Variants in RGPD8 observed in about 807,000 individuals in gnomAD.
RGPD8 encodes the protein RANBP2 like and GRIP domain containing 8.
RGPD8 carries 15 observed loss-of-function variants against 89.1 expected under a neutral mutation model. The ratio of observed to expected loss-of-function variants is 0.17; its 90% CI spans 0.11 to 0.26. RGPD8 has a LOEUF of 0.26. Ranked by LOEUF, RGPD8 falls within the 10% of genes least tolerant of loss-of-function variation. The probability of loss-of-function intolerance (pLI) is 1.00; values close to 1 mark genes in which losing one functional copy is unlikely to be tolerated. For synonymous variants in RGPD8, 62 were observed against 420.9 expected, an observed-to-expected ratio of 0.15 and a Z score of 10.44; for missense variants, 178 against 1,179.6, an observed-to-expected ratio of 0.15 and a Z score of 12.44.
intron 1 of RGPD8, among the ~76,000 whole-genome samples, chr2:112,432,010 C>A (rs1680062981): frequency 6.6e-6 from 1 of 152,190 alleles, no homozygotes; most frequent in African/African-American, 2.4e-5. Context: ...CAAGCAATAA[C>A]CTAAATGTTT....
chr2:112,371,057 A>T lies in RGPD8; in HGVS notation c.5264-845T>A, dbSNP rs1321118385. On this transcript the variant is annotated intron_variant, in intron 22 of 22. Transcript: ENST00000302558. ...ATATTGTTGACGATAAGAGGATTTT[A>T]AAAAAAATTCTTTTAAAACAGAAGC... Among the ~76,000 whole-genome samples, 1,171 of 151,392 alleles carry T rather than the reference A, an allele frequency of 7.7e-3. 25 individuals are homozygous for T. Among genetic ancestry groups the T allele is most frequent in the African/African-American group, 0.024 (999 of 41,094 alleles).
chr2:112,431,963 A>G (rs1680061992), intron 1 of RGPD8, among the ~76,000 whole-genome samples: 1 of 152,200 alleles, frequency 6.6e-6, no homozygotes, highest in African/African-American at 2.4e-5. Context: ...CATCAACAAT[A>G]AAAAGTGACT....
At chr2:112,433,301 A>ATCGAGGCCGCCGCCGGGCCGGG (rs900393516) in intron 1 of RGPD8, 81 bp downstream of exon 1, 4 of 1,466,098 alleles carry the variant, frequency 2.7e-6, no homozygotes, top group African/African-American at 1.5e-5. Flanking sequence ...CCCCTGACCC[A>ATCGAGGCCGCCGCCGGGCCGGG]TCGAGGCCGC....
chr2:112,415,878 T>A (rs1302471956), intron 6 of RGPD8, among the ~76,000 whole-genome samples: 5 of 138,498 alleles, frequency 3.6e-5, no homozygotes, highest in African/African-American at 2.7e-5. Context: ...AGACTCAGTC[T>A]CAAAAAAAAA....
At chr2:112,372,962 T>A (rs1411269800) in intron 22 of RGPD8, among the ~76,000 whole-genome samples, 1 of 138,636 alleles carries the variant, frequency 7.2e-6, no homozygotes, top group Non-Finnish European at 1.5e-5. Flanking sequence ...CCTCTGTGTA[T>A]GTATGGTGTA....
intron 20 of RGPD8, among the ~76,000 whole-genome samples, chr2:112,387,521 C>T (rs1678502699): frequency 1.5e-5 from 2 of 129,050 alleles, no homozygotes; most frequent in South Asian, 5.5e-4. Context: ...ACCACCATGC[C>T]CGGCTCATTT....
At chr2:112,429,431 A>G (rs1204237718) in intron 1 of RGPD8, among the ~76,000 whole-genome samples, 3 of 150,220 alleles carry the variant, frequency 2.0e-5, no homozygotes, top group Admixed American at 6.6e-5. Flanking sequence ...AAAAAAAAAA[A>G]AAAAAAGAAA....
chr2:112,399,570 CT>C, intron 14 of RGPD8, 61 bp downstream of exon 14: 4 of 1,323,318 alleles, frequency 3.0e-6, no homozygotes, highest in South Asian at 2.6e-5. Context: ...GAAACCCCGT[CT>C]TTTAAAAAAA....
intron 22 of RGPD8, among the ~76,000 whole-genome samples, chr2:112,374,362 TC>T (rs1206834255): frequency 6.6e-6 from 1 of 152,110 alleles, no homozygotes; most frequent in African/African-American, 2.4e-5. Flanking sequence ...TAGGAAATTT[TC>T]TTTTTGCTTG....
Position 112,391,085 on chromosome 2 carries a change from GAA to G in RGPD8, c.2603-18_2603-17del, listed in dbSNP as rs1678685056. The stretch of plus-strand genomic sequence containing the variant: ...GTAGTTGCAACTGAAAAAAAAAAAA[GAA>G]AAGAAAGAAAACACTGTTAAAGTCT... On this transcript the variant is annotated splice_polypyrimidine_tract_variant and intron_variant, in intron 18 of 22. Transcript: ENST00000302558. The G allele has an allele frequency of 6.3e-7, 1 of 1,579,158 alleles. No homozygotes were observed. Among genetic ancestry groups the G allele is most frequent in the South Asian group, 1.1e-5 (1 of 88,454 alleles).
chr2:112,415,283 G>A (rs1679346762), intron 6 of RGPD8, among the ~76,000 whole-genome samples: 1 of 152,292 alleles, frequency 6.6e-6, no homozygotes, highest in South Asian at 2.1e-4. Flanking sequence ...TACTCAGGAG[G>A]CTGAGGCAGA....
intron 1 of RGPD8, among the ~76,000 whole-genome samples, chr2:112,433,027 G>A (rs1333419826): frequency 2.4e-5 from 2 of 82,106 alleles, no homozygotes; most frequent in African/African-American, 6.8e-5. Flanking sequence ...CATGACCCCT[G>A]ACCCATCGAG....
chr2:112,429,634 G>A (rs1679937462), intron 1 of RGPD8, among the ~76,000 whole-genome samples: 2 of 151,870 alleles, frequency 1.3e-5, no homozygotes, highest in Non-Finnish European at 2.9e-5. Context: ...AAAATTTGAT[G>A]AGCAACACAG....
chr2:112,431,023 G>A (rs1310357528), intron 1 of RGPD8, among the ~76,000 whole-genome samples: 6 of 152,254 alleles, frequency 3.9e-5, no homozygotes, highest in South Asian at 4.1e-4. Context: ...AAGTGGAGGC[G>A]GGGAAATCAC....
intron 20 of RGPD8, among the ~76,000 whole-genome samples, chr2:112,381,983 G>A (rs1678319668): frequency 6.6e-6 from 1 of 152,302 alleles, no homozygotes; most frequent in Admixed American, 6.5e-5. Flanking sequence ...ATTAACATTT[G>A]AGTCAGTGGG....
At chr2:112,432,706 C>G (rs1680097957) in intron 1 of RGPD8, 3 of 985,160 alleles carry the variant, frequency 3.0e-6, no homozygotes, top group African/African-American at 3.5e-5. Context: ...CTAGGCCGCG[C>G]GGGTACTACG....
chr2:112,433,133 G>A, intron 1 of RGPD8, among the ~76,000 whole-genome samples: 1 of 101,128 alleles, frequency 9.9e-6, no homozygotes, highest in Non-Finnish European at 2.3e-5. Flanking sequence ...CGAGGCCGCC[G>A]CCGGGCCGGG....
At chr2:112,387,766 A>G (rs1331218850) in intron 20 of RGPD8, among the ~76,000 whole-genome samples, 2 of 145,890 alleles carry the variant, frequency 1.4e-5, no homozygotes, top group African/African-American at 5.0e-5. Context: ...GACTCCGTAC[A>G]CTGTACCAAG....
intron 1 of RGPD8, chr2:112,432,616 G>C (rs1202573611): frequency 1.0e-6 from 1 of 985,196 alleles, no homozygotes. Context: ...TACGACCTCC[G>C]CCGCGGCATA....
Sources: allele counts gnomAD v4.1 joint callset (sites outside exome capture counted in the v4.1 genomes callset), GRCh38; gene constraint gnomAD v4.1.1; transcripts MANE v1.5; gene names NCBI Gene and HGNC (gene_info 2026-07-23, HGNC 2026-07-21).